The following CCDC122 variants were observed in gnomAD, a reference collection of about 807,000 sequenced individuals.
The protein encoded by CCDC122 is coiled-coil domain containing 122.
In CCDC122, 38 loss-of-function variants were observed where a neutral mutation model predicts 37.0. The ratio of observed to expected loss-of-function variants is 1.03; its 90% CI spans 0.79 to 1.35. The LOEUF (loss-of-function observed/expected upper bound fraction) is 1.35, where lower values mean the gene tolerates loss of function less well. Among genes scored for constraint, CCDC122 ranks in the 40% most tolerant of loss-of-function variants. CCDC122 has a pLI of 0.00. For synonymous variants in CCDC122, 83 were observed against 95.6 expected (o/e 0.87, Z 0.77); for missense variants, 305 against 310.0 (o/e 0.98, Z 0.12).
At chr13:43,837,700 C>G (rs926848325) in intron 6 of CCDC122, among the ~76,000 whole-genome samples, 19 of 151,698 alleles carry the variant, frequency 1.3e-4, no homozygotes, top group Non-Finnish European at 2.4e-4. Context: ...TGTGAAGAAA[C>G]CAAAGATAAA....
chr13:43,860,092 T>C, intron 4 of CCDC122, 22 bp from the exon 5 acceptor site: 1 of 1,261,502 alleles, frequency 7.9e-7, no homozygotes. Context: ...TTTAACATTA[T>C]CATTATTAAT....
intron 1 of CCDC122, chr13:43,877,953 C>T (rs1954690486): frequency 6.6e-6 from 1 of 151,798 alleles, no homozygotes; most frequent in African/African-American, 2.4e-5. Context: ...AGACTGAGAA[C>T]CACTGGAGTA....
chr13:43,873,967 G>C (rs1261616414), intron 2 of CCDC122, among the ~76,000 whole-genome samples: 1 of 152,144 alleles, frequency 6.6e-6, no homozygotes, highest in Non-Finnish European at 1.5e-5. Context: ...TTTTCTAACA[G>C]AATAATGCTC....
At chr13:43,847,091 A>G (rs1057443032) in intron 6 of CCDC122, among the ~76,000 whole-genome samples, 3 of 152,258 alleles carry the variant, frequency 2.0e-5, no homozygotes, top group Non-Finnish European at 4.4e-5. Context: ...CACCAGTTGT[A>G]GCATGGCTAA....
chr13:43,827,339 T>C (rs1237339317), intron 3 of CCDC122, among the ~76,000 whole-genome samples: 1 of 152,246 alleles, frequency 6.6e-6, no homozygotes, highest in East Asian at 1.9e-4. Context: ...TCATGTTCTT[T>C]TATAAATCAT....
At chr13:43,845,183 T>C (rs1303138130) in intron 6 of CCDC122, among the ~76,000 whole-genome samples, 2 of 152,174 alleles carry the variant, frequency 1.3e-5, no homozygotes, top group Non-Finnish European at 2.9e-5. Flanking sequence ...TCTCTTAACT[T>C]ATCACAATCT....
chr13:43,870,133 G>A (rs751440179), intron 2 of CCDC122, among the ~76,000 whole-genome samples: 5 of 152,078 alleles, frequency 3.3e-5, no homozygotes, highest in Non-Finnish European at 5.9e-5. Flanking sequence ...GAAAAGCAAA[G>A]TTAAATCAAT....
rs1594858365 is a variant in CCDC122, at chr13:43,870,432, G to A, written c.-113-943C>T. Among the ~76,000 whole-genome samples the A allele has an allele frequency of 2.0e-5, 3 of 152,144 alleles. No homozygotes were observed. The South Asian group carries it at 6.2e-4, about 32-fold the overall frequency. ...TTTTCTCTCTAGCTCTTTCATCTGG[G>A]TTTCATGGTCACAGACTTCATCCTT... On this transcript the variant is annotated intron_variant, in intron 2 of 6. Coordinates refer to ENST00000444614, the MANE Select transcript of CCDC122 (RefSeq NM_144974.5).
chr13:43,830,663 C>T (rs1953081219), intron 3 of CCDC122, among the ~76,000 whole-genome samples: 1 of 152,136 alleles, frequency 6.6e-6, no homozygotes, highest in Non-Finnish European at 1.5e-5. Context: ...GTGTCTGTTA[C>T]ACAACGTTTC....
downstream of CCDC122, chr13:43,836,342 A>C (rs1175634494): frequency 6.6e-6 from 1 of 152,292 alleles, no homozygotes. Context: ...TAGTCACAGA[A>C]TACGAATAAT....
chr13:43,838,324 T>G (rs1953229724), intron 6 of CCDC122, among the ~76,000 whole-genome samples: 1 of 152,192 alleles, frequency 6.6e-6, no homozygotes, highest in South Asian at 2.1e-4. Flanking sequence ...CACAGATCAT[T>G]TGGTCTAAAA....
downstream of CCDC122, among the ~76,000 whole-genome samples, chr13:43,835,532 G>A (rs181187064): frequency 2.0e-5 from 3 of 152,108 alleles, no homozygotes; most frequent in South Asian, 4.2e-4. Flanking sequence ...TGTAAAATAG[G>A]TATATGTATT....
intron 5 of CCDC122, 109 bp downstream of exon 5, chr13:43,859,563 G>T: frequency 7.3e-6 from 6 of 819,538 alleles, no homozygotes; most frequent in Non-Finnish European, 1.1e-5. Flanking sequence ...GAAGGTAATA[G>T]GACAGCTATG....
intron 3 of CCDC122, among the ~76,000 whole-genome samples, chr13:43,826,732 A>C (rs1392322246): frequency 2.0e-5 from 3 of 152,232 alleles, no homozygotes; most frequent in African/African-American, 7.2e-5. Flanking sequence ...TATTTTCAGC[A>C]GTGCAAAAAA....
intron 1 of CCDC122, among the ~76,000 whole-genome samples, chr13:43,877,390 G>A (rs1214369978): frequency 6.6e-6 from 1 of 152,072 alleles, no homozygotes; most frequent in African/African-American, 2.4e-5. Context: ...TGGTTTAACT[G>A]ACCTTTTTTC....
At chr13:43,854,483 A>C (rs1303507934) in intron 6 of CCDC122, 1 of 152,174 alleles carries the variant, frequency 6.6e-6, no homozygotes, top group Non-Finnish European at 1.5e-5. Flanking sequence ...TTCAGTAATA[A>C]ATAGCCTACC....
intron 6 of CCDC122, among the ~76,000 whole-genome samples, chr13:43,837,685 T>G (rs982346838): frequency 6.6e-6 from 1 of 151,670 alleles, no homozygotes; most frequent in Non-Finnish European, 1.5e-5. Context: ...TTATCCTCAT[T>G]TTTGTGTGAA....
Position 43,860,052 on chromosome 13 carries a change from C to G in CCDC122, c.175G>C (p.Glu59Gln), listed in dbSNP as rs201681143. The G allele has an allele frequency of 6.6e-7, 1 of 1,522,250 alleles. No individual in the cohort carries two copies. The highest frequency in any genetic ancestry group is 2.3e-5 in the East Asian group (1 of 42,710). 94.3% of individuals were successfully genotyped at this position (1,522,250 alleles called of 1,614,324 possible). A position where few individuals can be genotyped will look rare whatever the true frequency, so the allele number is the denominator to read the frequency against. ...GCAGAGATAGCTGCTATTTCTTTTT[C>G]AAGCTCATGAAGTTCATTCTGTAAT... ...FNLKNELHELEKEIAAISAET... is the reference protein window; with the variant it reads ...FNLKNELHELQKEIAAISAET... Residue 59 changes from glutamate to glutamine, a missense_variant, in exon 5 of 7, where the codon GAA becomes CAA. Coordinates refer to ENST00000444614, the MANE Select transcript of CCDC122 (RefSeq NM_144974.5).
At chr13:43,869,663 T>A (rs1188748254) in intron 2 of CCDC122, among the ~76,000 whole-genome samples, 174 bp from the exon 3 acceptor site, 1 of 152,090 alleles carries the variant, frequency 6.6e-6, no homozygotes, top group African/African-American at 2.4e-5. Flanking sequence ...TTTCTTAACT[T>A]CTTTGATCTT....
Sources: gnomAD v4.1 joint callset for allele counts (sites outside exome capture counted in the v4.1 genomes callset) on GRCh38, gnomAD v4.1.1 for gene constraint, MANE v1.5 for transcripts, NCBI Gene and HGNC (gene_info 2026-07-23, HGNC 2026-07-21) for gene names.